Variants in TLE4 observed in about 807,000 individuals in gnomAD.
TLE4 encodes TLE family member 4, transcriptional corepressor.
TLE4 carries 8 observed loss-of-function variants against 92.8 expected under a neutral mutation model. The ratio of observed to expected loss-of-function variants is 0.09; its 90% CI spans 0.05 to 0.16. The LOEUF (loss-of-function observed/expected upper bound fraction) is 0.16, where lower values mean the gene tolerates loss of function less well. Ranked by LOEUF, TLE4 falls within the 10% of genes least tolerant of loss-of-function variation. TLE4 has a pLI of 1.00. For synonymous variants in TLE4, 371 were observed against 374.1 expected (o/e 0.99, Z 0.10); for missense variants, 675 against 997.6 (o/e 0.68, Z 4.36).
intron 6 of TLE4, among the ~76,000 whole-genome samples, chr9:79,633,675 C>T (rs565226676): frequency 1.3e-5 from 2 of 152,274 alleles, no homozygotes; most frequent in South Asian, 4.1e-4. Flanking sequence ...CAGAGTGTTA[C>T]CCCATTTTAT....
intron 4 of TLE4, among the ~76,000 whole-genome samples, chr9:79,608,614 G>A (rs1201774194): frequency 1.3e-5 from 2 of 151,940 alleles, no homozygotes; most frequent in Middle Eastern, 3.2e-3. Flanking sequence ...GAAAACGAAT[G>A]GTAAAAAGTT....
chr9:79,635,753 A>G (rs142924549), intron 6 of TLE4, among the ~76,000 whole-genome samples: 331 of 152,144 alleles, frequency 2.2e-3, no homozygotes, highest in African/African-American at 7.7e-3. Flanking sequence ...TGCTAGTGCT[A>G]TACTGTGTTG....
intron 4 of TLE4, among the ~76,000 whole-genome samples, chr9:79,584,328 C>G (rs1352626673): frequency 6.6e-6 from 1 of 152,190 alleles, no homozygotes; most frequent in Non-Finnish European, 1.5e-5. Flanking sequence ...CCCCTCCCTT[C>G]TACCCTCTCA....
intron 8 of TLE4, among the ~76,000 whole-genome samples, chr9:79,679,644 G>T (rs1378616789): frequency 2.6e-5 from 4 of 152,214 alleles, no homozygotes; most frequent in African/African-American, 7.2e-5. Context: ...GTCAATTTTG[G>T]CTTCTCTTGC....
chr9:79,667,742 C>G (rs182560337), intron 8 of TLE4, among the ~76,000 whole-genome samples: 1 of 152,110 alleles, frequency 6.6e-6, no homozygotes, highest in African/African-American at 2.4e-5. Context: ...ATTTTCTACA[C>G]GACCCCACCC....
At chr9:79,660,464 A>G (rs893223133) in intron 8 of TLE4, among the ~76,000 whole-genome samples, 1 of 152,256 alleles carries the variant, frequency 6.6e-6, no homozygotes, top group African/African-American at 2.4e-5. Context: ...CCTTTCAAGC[A>G]TTTAACGTTA....
intron 5 of TLE4, among the ~76,000 whole-genome samples, chr9:79,624,877 A>G (rs1185036715): frequency 6.6e-6 from 1 of 152,222 alleles, no homozygotes; most frequent in East Asian, 1.9e-4. Context: ...GAGAATTGGT[A>G]GAGTAAGAGC....
chr9:79,641,108 A>C (rs1165318778), intron 6 of TLE4, among the ~76,000 whole-genome samples: 1 of 148,994 alleles, frequency 6.7e-6, no homozygotes, highest in Non-Finnish European at 1.5e-5. Flanking sequence ...CATAAAAAGA[A>C]CTTTAAAACT....
At chr9:79,688,937 A>G (rs946670645) in intron 8 of TLE4, among the ~76,000 whole-genome samples, 6 of 152,140 alleles carry the variant, frequency 3.9e-5, no homozygotes, top group African/African-American at 1.2e-4. Flanking sequence ...ATAAGCCAGC[A>G]TAACTGAGAG....
chr9:79,674,669 C>G (rs573244986), intron 8 of TLE4, among the ~76,000 whole-genome samples: 170 of 152,212 alleles, frequency 1.1e-3, no homozygotes, highest in African/African-American at 3.7e-3. Flanking sequence ...TGTCATATGT[C>G]CTTAGAGTGT....
intron 8 of TLE4, among the ~76,000 whole-genome samples, chr9:79,690,779 C>CTTTTTTTTTT (rs35528090): frequency 2.6e-4 from 14 of 54,164 alleles, no homozygotes; most frequent in African/African-American, 8.2e-4. Flanking sequence ...CCACTCCTGG[C>CTTTTTTTTTT]TTTTTTTTTT....
intron 8 of TLE4, among the ~76,000 whole-genome samples, chr9:79,670,201 AAAAG>A (rs944599946): frequency 2.0e-5 from 3 of 152,072 alleles, no homozygotes; most frequent in Non-Finnish European, 4.4e-5. Flanking sequence ...TAAGAAAAAA[AAAAG>A]AAAGAAAAAA....
intron 8 of TLE4, 129 bp downstream of exon 8, chr9:79,654,204 T>A (rs1489731056): frequency 1.1e-6 from 1 of 927,470 alleles, no homozygotes; most frequent in Non-Finnish European, 1.7e-6. Flanking sequence ...ACTGCATTTT[T>A]AAAATTACTT....
At chr9:79,719,950 A>C in intron 15 of TLE4, 96 bp from the exon 16 acceptor site, 3 of 1,473,012 alleles carry the variant, frequency 2.0e-6, no homozygotes, top group South Asian at 2.8e-5. Context: ...TCATTAAACC[A>C]GGAGGGAACA....
intron 4 of TLE4, among the ~76,000 whole-genome samples, chr9:79,604,437 C>T (rs1453420657): frequency 6.6e-6 from 1 of 152,060 alleles, no homozygotes; most frequent in Non-Finnish European, 1.5e-5. Flanking sequence ...AGAGCAGCTA[C>T]TCATAGTGAG....
At chr9:79,587,930 A>G (rs1382878957) in intron 4 of TLE4, among the ~76,000 whole-genome samples, 1 of 152,200 alleles carries the variant, frequency 6.6e-6, no homozygotes, top group African/African-American at 2.4e-5. Flanking sequence ...CTTTTGAGGA[A>G]GGGATCTGAT....
chr9:79,677,654 A>G (rs1301846059), intron 8 of TLE4, among the ~76,000 whole-genome samples: 2 of 128,590 alleles, frequency 1.6e-5, no homozygotes, highest in Non-Finnish European at 3.3e-5. Context: ...TGAATTGTGT[A>G]TAATCTGAGA....
intron 14 of TLE4, among the ~76,000 whole-genome samples, chr9:79,718,398 C>T (rs920125978): frequency 4.6e-5 from 7 of 152,142 alleles, no homozygotes; most frequent in African/African-American, 9.7e-5. Flanking sequence ...CTGCACTTGA[C>T]GGTGGTTATC....
chr9:79,706,605 C>A, intron 10 of TLE4, 142 bp from the exon 11 acceptor site: 2 of 1,050,954 alleles, frequency 1.9e-6, no homozygotes, highest in Non-Finnish European at 2.7e-6. Context: ...TTAGTAGTTT[C>A]AGTGAGTATT....
Sources: gnomAD v4.1 joint callset for allele counts (sites outside exome capture counted in the v4.1 genomes callset) on GRCh38, gnomAD v4.1.1 for gene constraint, MANE v1.5 for transcripts, NCBI Gene and HGNC (gene_info 2026-07-23, HGNC 2026-07-21) for gene names.